FGF13: variants seen among roughly 807,000 people sequenced by gnomAD.
FGF13 encodes the protein fibroblast growth factor 13.
In FGF13, 2 loss-of-function variants were observed where a neutral mutation model predicts 19.5. That is an observed-to-expected ratio of 0.10 (90% CI 0.04 to 0.32). The LOEUF is 0.32. Ranked by LOEUF, FGF13 falls within the 10% of genes least tolerant of loss-of-function variation. The pLI, the probability that FGF13 is intolerant of heterozygous loss-of-function variation, is 1.00. For synonymous variants in FGF13, 72 were observed against 76.9 expected (o/e 0.94, Z 0.33); for missense variants, 113 against 192.7 (o/e 0.59, Z 2.45).
At chrX:138,734,112 CTGGACTATTATTG>C (rs1352787921) in intron 1 of FGF13, among the ~76,000 whole-genome samples, 1 of 111,485 alleles carries the variant, frequency 9.0e-6, no homozygotes, top group Admixed American at 9.5e-5. Context: ...AGCACAGTGC[CTGGACTATTATTG>C]TAGGTTCTCA....
intron 3 of FGF13, among the ~76,000 whole-genome samples, chrX:138,788,299 C>T (rs947816170): frequency 1.8e-5 from 2 of 112,064 alleles, no homozygotes; most frequent in Non-Finnish European, 3.8e-5. Context: ...GATCTTAAGG[C>T]TTGAGAATAA....
At chrX:138,730,903 A>T (rs770788900) in intron 1 of FGF13, among the ~76,000 whole-genome samples, 3 of 111,544 alleles carry the variant, frequency 2.7e-5, no homozygotes, top group Non-Finnish European at 5.7e-5. Flanking sequence ...CACTAATCCT[A>T]ACAAAGATGG....
rs191580113 is a variant in FGF13 at position 138,751,136 on chromosome X, G to A, written c.218-42208C>T. On this transcript the variant is annotated intron_variant, in intron 3 of 6. Transcript: ENST00000436198. ...CATTAGAAGATGACAACCTTGGTAG[G>A]ACAACCTTGGTGAAAGTGGTGGAGA... is the stretch of plus-strand genomic sequence containing the variant. Among the ~76,000 whole-genome samples, 207 of 111,304 alleles carry A rather than the reference G, an allele frequency of 1.9e-3. 1 individual carries two copies. The Middle Eastern group carries it at 0.032, about 17-fold the overall frequency.
intron 3 of FGF13, among the ~76,000 whole-genome samples, chrX:138,758,517 T>C (rs2090445620): frequency 9.0e-6 from 1 of 110,977 alleles, no homozygotes; most frequent in Non-Finnish European, 1.9e-5. Flanking sequence ...ATCTCTGCTC[T>C]GGATCTTCGA....
chrX:138,866,486 A>C (rs1321172998), intron 1 of FGF13, among the ~76,000 whole-genome samples: 1 of 112,113 alleles, frequency 8.9e-6, no homozygotes, highest in African/African-American at 3.2e-5. Flanking sequence ...AGAAGGTTTC[A>C]AAAACCTTGG....
intron 1 of FGF13, among the ~76,000 whole-genome samples, chrX:139,135,368 C>T (rs1453394253): frequency 8.9e-6 from 1 of 112,241 alleles, no homozygotes; most frequent in African/African-American, 3.2e-5. Flanking sequence ...AGTGACTGTC[C>T]AGGCAGGGTG....
chrX:138,872,811 T>C (rs1424494618), intron 1 of FGF13, among the ~76,000 whole-genome samples: 1 of 111,610 alleles, frequency 9.0e-6, no homozygotes, highest in Non-Finnish European at 1.9e-5. Flanking sequence ...TACTTTCTCC[T>C]TGGGAGTCAG....
chrX:139,065,725 G>A (rs1190343563), intron 1 of FGF13, among the ~76,000 whole-genome samples: 2 of 110,112 alleles, frequency 1.8e-5, no homozygotes, highest in African/African-American at 3.3e-5. Flanking sequence ...ATTAATAATG[G>A]GGGACTTTAA....
intron 1 of FGF13, among the ~76,000 whole-genome samples, chrX:139,174,601 GT>G (rs1257924582): frequency 3.6e-5 from 4 of 112,022 alleles, no homozygotes; most frequent in Non-Finnish European, 7.5e-5. Context: ...TCCAGTTTCA[GT>G]TTTCTGCATA....
intron 2 of FGF13, 120 bp downstream of exon 2, chrX:138,708,698 T>C: frequency 2.0e-6 from 1 of 498,565 alleles, no homozygotes; most frequent in South Asian, 3.4e-5. Flanking sequence ...CAGGATTATG[T>C]AGTGTGAATA....
intron 1 of FGF13, among the ~76,000 whole-genome samples, chrX:138,884,138 A>G (rs937669483): frequency 6.2e-5 from 7 of 112,048 alleles, no homozygotes; most frequent in Non-Finnish European, 3.8e-5. Context: ...AGGGCAATTC[A>G]CACCATTTGG....
intron 1 of FGF13, among the ~76,000 whole-genome samples, chrX:138,877,444 T>C (rs1280371236): frequency 2.7e-5 from 3 of 111,907 alleles, no homozygotes; most frequent in Non-Finnish European, 3.8e-5. Flanking sequence ...GTAAAATATA[T>C]ACAGCGTGAA....
intron 1 of FGF13, among the ~76,000 whole-genome samples, chrX:138,725,929 A>G (rs1034611667): frequency 1.5e-4 from 17 of 111,335 alleles, no homozygotes; most frequent in African/African-American, 5.2e-4. Flanking sequence ...GAGTTGTATA[A>G]AAGTTGCATT....
At chrX:139,201,981 G>A (rs933061644) in intron 1 of FGF13, among the ~76,000 whole-genome samples, 1 of 112,177 alleles carries the variant, frequency 8.9e-6, no homozygotes, top group Admixed American at 9.4e-5. Context: ...AATTTCAAGT[G>A]CTAATTACTC....
chrX:138,768,865 G>A (rs2090524293), intron 3 of FGF13, among the ~76,000 whole-genome samples: 1 of 108,406 alleles, frequency 9.2e-6, no homozygotes, highest in African/African-American at 3.4e-5. Flanking sequence ...GAAGATAGAA[G>A]AAGCAGATTC....
intron 1 of FGF13, among the ~76,000 whole-genome samples, chrX:139,053,589 T>C (rs1338200069): frequency 2.7e-5 from 3 of 111,350 alleles, no homozygotes; most frequent in African/African-American, 9.8e-5. Context: ...GCCCACTTTT[T>C]GATGGGACTG....
At chrX:138,643,802 A>T (rs944087210) in intron 3 of FGF13, among the ~76,000 whole-genome samples, 7 of 111,819 alleles carry the variant, frequency 6.3e-5, no homozygotes, top group Non-Finnish European at 1.1e-4. Flanking sequence ...TTAATTCAGT[A>T]TATTGGTTTT....
At chrX:139,012,191 T>C (rs770944353) in intron 1 of FGF13, among the ~76,000 whole-genome samples, 1 of 111,937 alleles carries the variant, frequency 8.9e-6, no homozygotes, top group East Asian at 2.8e-4. Flanking sequence ...AAATAAATTA[T>C]AGATGACACA....
At chrX:139,015,372 T>C (rs962535921) in intron 1 of FGF13, among the ~76,000 whole-genome samples, 1 of 111,503 alleles carries the variant, frequency 9.0e-6, no homozygotes, top group Non-Finnish European at 1.9e-5. Context: ...TTCAGTAAAG[T>C]TGCAGGATAC....
Sources: gnomAD v4.1 joint callset for allele counts (sites outside exome capture counted in the v4.1 genomes callset) on GRCh38, gnomAD v4.1.1 for gene constraint, MANE v1.5 for transcripts, NCBI Gene and HGNC (gene_info 2026-07-23, HGNC 2026-07-21) for gene names.